The following TFAP2E variants were observed in gnomAD, a reference collection of about 807,000 sequenced individuals.
TFAP2E encodes transcription factor AP-2-epsilon.
TFAP2E carries 30 observed loss-of-function variants against 37.9 expected under a neutral mutation model. The ratio of observed to expected loss-of-function variants is 0.79; its 90% confidence interval spans 0.59 to 1.07. The LOEUF (loss-of-function observed/expected upper bound fraction) is 1.07. Among genes scored for constraint, TFAP2E ranks in the 50% least tolerant of loss-of-function variants. TFAP2E has a pLI of 0.00. For missense variants in TFAP2E, 567 were observed against 637.9 expected (o/e 0.89, Z 1.20); for synonymous variants, 318 against 295.8 (o/e 1.08, Z -0.77).
At position 35,573,709 on chromosome 1, in the gene TFAP2E, G is replaced by T; in HGVS notation, c.27+105G>T. ...CGCGCTAACGAAATCTCGGAGGGAG[G>T]GGGCCGCAGGGACTTCGCCAGCTGA... On this transcript the variant is annotated intron_variant, in intron 1 of 6. Transcript: ENST00000373235. This position sits in a 1 kb window ranked among gnomAD's most constrained non-coding sequence, Gnocchi z 5.9. 2.0e-6 allele frequency: 3 copies of T among 1,480,432 alleles called. No individual in the cohort carries two copies. The highest frequency in any genetic ancestry group is 2.7e-6 in the Non-Finnish European group (3 of 1,108,510). 91.7% of individuals were successfully genotyped at this position (1,480,432 alleles called of 1,614,324 possible).
intron 3 of TFAP2E, among the ~76,000 whole-genome samples, chr1:35,575,358 G>T (rs1266036564): frequency 6.6e-6 from 1 of 152,282 alleles, no homozygotes; most frequent in Non-Finnish European, 1.5e-5. Context: ...TTCCCACGGA[G>T]TTGGGGAAAT....
Position 35,594,825 on chromosome 1 carries a change from G to C in TFAP2E, c.*149G>C. On this transcript the variant is annotated 3_prime_UTR_variant, in exon 7 of 7. Coordinates refer to ENST00000373235, the MANE Select transcript of TFAP2E (RefSeq NM_178548.4). ...CAGAGATCCCAGAGTTGGGGATCTG[G>C]CTTGGAGTAAGGGAGGGTGGCCTCT... The C allele has an allele frequency of 8.0e-7, 1 of 1,249,908 alleles. No individual in the cohort carries two copies. The highest frequency in any genetic ancestry group is 1.1e-6 in the Non-Finnish European group (1 of 912,070). The allele number at this position is 1,249,908 out of a possible 1,614,324, so 77.4% of individuals were successfully genotyped here.
chr1:35,573,802 A>C lies in TFAP2E; in HGVS notation c.28-125A>C. ...CTGCGCCCGCGGGTGGCTCGGAAATAAACCTCGGGCCCCAAGAAACGGGAG... is the reference window on the plus strand; with the variant it reads ...CTGCGCCCGCGGGTGGCTCGGAAATCAACCTCGGGCCCCAAGAAACGGGAG... On this transcript the variant is annotated intron_variant, in intron 1 of 6. Transcript: ENST00000373235. This position sits in a 1 kb window ranked among gnomAD's most constrained non-coding sequence, Gnocchi z 5.9. 1 of 1,375,840 alleles carries C rather than the reference A, an allele frequency of 7.3e-7. No homozygotes were observed. Among genetic ancestry groups the C allele is most frequent in the South Asian group, 1.6e-5 (1 of 62,822 alleles). The allele number at this position is 1,375,840 out of a possible 1,614,324, so 85.2% of individuals were successfully genotyped here.
chr1:35,593,939 G>C (rs1346173864), intron 6 of TFAP2E, among the ~76,000 whole-genome samples: 2 of 152,240 alleles, frequency 1.3e-5, no homozygotes, highest in Non-Finnish European at 2.9e-5. Context: ...AGATGATGCA[G>C]ACAGTGTGGT....
rs1649079708 is a variant in TFAP2E at position 35,573,745 on chromosome 1, C to T, written c.27+141C>T. 7.2e-7 allele frequency: 1 copy of T among 1,396,630 alleles called. No homozygotes were observed. The highest frequency in any genetic ancestry group is 9.4e-7 in the Non-Finnish European group (1 of 1,059,508). 86.5% of individuals were successfully genotyped at this position (1,396,630 alleles called of 1,614,324 possible). A position where few individuals can be genotyped will look rare whatever the true frequency, so the allele number is the denominator to read the frequency against. On this transcript the variant is annotated intron_variant, in intron 1 of 6. Transcript: ENST00000373235. The surrounding 1 kb of genome is among the most constrained non-coding windows in gnomAD (Gnocchi z 5.9). ...GACTTCGCCAGCTGAGAACGCGATG[C>T]GCAAGTGACCGCTGTCCCCAGCCTG...
At chr1:35,582,401 C>A (rs752592728) in intron 3 of TFAP2E, among the ~76,000 whole-genome samples, 36 of 151,716 alleles carry the variant, frequency 2.4e-4, no homozygotes, top group East Asian at 5.8e-4. Flanking sequence ...TGAATACAGT[C>A]CTTTATCAGA....
chr1:35,589,348 A>T (rs1199287276), intron 4 of TFAP2E, among the ~76,000 whole-genome samples: 1 of 151,412 alleles, frequency 6.6e-6, no homozygotes, highest in African/African-American at 2.4e-5. Context: ...AGCGTCTTGG[A>T]GGATCTCTGT....
chr1:35,589,956 G>T lies in TFAP2E; in HGVS notation c.812G>T (p.Cys271Phe). Residue 271 changes from cysteine (C) to phenylalanine (F), a missense_variant, in exon 5 of 7, where the codon TGT becomes TTT. Transcript: ENST00000373235. ...GCCAAGTCCAAAAATGGGGGCCGGT[G>T]TTTGCGGGAACGGTTAGAGAAGATT... is the stretch of plus-strand genomic sequence containing the variant. ...RRAKSKNGGR[C>F]LRERLEKIGL... The T allele has an allele frequency of 6.2e-7, 1 of 1,614,088 alleles. No homozygotes were observed. The highest frequency in any genetic ancestry group is 8.5e-7 in the Non-Finnish European group (1 of 1,179,962).
chr1:35,590,750 C>A lies in TFAP2E; in HGVS notation c.1021C>A (p.Arg341Ser). The change falls in exon 6 of 7, where the codon CGC becomes AGC. Residue 341 changes from arginine (R) to serine (S), a missense_variant. Arg to Ser is a moderately radical substitution (Grantham distance 110). Transcript: ENST00000373235. The surrounding 1 kb of genome is among the most constrained non-coding windows in gnomAD (Gnocchi z 6.2). ...CGCTGACCCGGGGGAGCTGCACAGC[C>A]GCAAGAGCATGCTGCTGGCTGCCAA... ...QHADPGELHS[R>S]KSMLLAAKQI... 2.7e-6 allele frequency: 4 copies of A among 1,486,024 alleles called. No homozygotes were observed. Among genetic ancestry groups the A allele is most frequent in the Non-Finnish European group, 2.7e-6 (3 of 1,104,568 alleles). The allele number at this position is 1,486,024 out of a possible 1,614,324, so 92.1% of individuals were successfully genotyped here. A position where few individuals can be genotyped will look rare whatever the true frequency, so the allele number is the denominator to read the frequency against.
chr1:35,579,346 A>T (rs1348602912), intron 3 of TFAP2E, among the ~76,000 whole-genome samples: 1 of 151,770 alleles, frequency 6.6e-6, no homozygotes, highest in African/African-American at 2.4e-5. Flanking sequence ...CAGTGAACCA[A>T]GATCACACCA....
chr1:35,590,630 C>T lies in TFAP2E; in HGVS notation c.905-4C>T, dbSNP rs534968792. ...TGCAGTAGTGACAGCTCCCCTCCCC[C>T]CAGGAGAGGCCGTGCACCTGGCCCG... On this transcript the variant is annotated splice_polypyrimidine_tract_variant and splice_region_variant and intron_variant, in intron 5 of 6. Coordinates refer to ENST00000373235, the MANE Select transcript of TFAP2E (RefSeq NM_178548.4). This position sits in a 1 kb window ranked among gnomAD's most constrained non-coding sequence, Gnocchi z 6.2. 6.7e-6 allele frequency: 10 copies of T among 1,484,480 alleles called. No homozygotes were observed. Among genetic ancestry groups the T allele is most frequent in the South Asian group, 1.4e-5 (1 of 71,528 alleles). 92.0% of individuals were successfully genotyped at this position (1,484,480 alleles called of 1,614,324 possible).
chr1:35,585,295 A>C (rs952998288), intron 3 of TFAP2E, among the ~76,000 whole-genome samples: 1 of 152,224 alleles, frequency 6.6e-6, no homozygotes, highest in African/African-American at 2.4e-5. Context: ...TTTCACAGAA[A>C]AATCCAGAAT....
In TFAP2E at chr1:35,573,546, C is replaced by A. The variant is rs1023031949; in HGVS notation, c.-32C>A. 1.3e-5 allele frequency: 19 copies of A among 1,513,526 alleles called. No individual in the cohort carries two copies. Among genetic ancestry groups the A allele is most frequent in the Non-Finnish European group, 1.6e-5 (18 of 1,132,060 alleles). The allele number at this position is 1,513,526 out of a possible 1,614,324, so 93.8% of individuals were successfully genotyped here. A position where few individuals can be genotyped will look rare whatever the true frequency, so the allele number is the denominator to read the frequency against. On this transcript the variant is annotated 5_prime_UTR_variant, in exon 1 of 7. Coordinates refer to ENST00000373235, the MANE Select transcript of TFAP2E (RefSeq NM_178548.4). This position sits in a 1 kb window ranked among gnomAD's most constrained non-coding sequence, Gnocchi z 5.9. ...CGCCGTCGGGCTAGGGCTCCGCCGCCGCCACGCCTCGCGCCCGGCACTCAC... is the reference window on the plus strand; with the variant it reads ...CGCCGTCGGGCTAGGGCTCCGCCGCAGCCACGCCTCGCGCCCGGCACTCAC...
intron 3 of TFAP2E, among the ~76,000 whole-genome samples, chr1:35,578,664 C>T (rs1649253897): frequency 6.6e-6 from 1 of 152,066 alleles, no homozygotes; most frequent in Non-Finnish European, 1.5e-5. Flanking sequence ...CTGTCTTTGG[C>T]CCTGGAGAAG....
At chr1:35,575,851 C>T (rs1649153542) in intron 3 of TFAP2E, among the ~76,000 whole-genome samples, 1 of 152,206 alleles carries the variant, frequency 6.6e-6, no homozygotes, top group African/African-American at 2.4e-5. Flanking sequence ...TATGTGACTC[C>T]TGGCATTAGT....
intron 3 of TFAP2E, among the ~76,000 whole-genome samples, chr1:35,581,116 A>C (rs932972029): frequency 6.6e-6 from 1 of 152,248 alleles, no homozygotes; most frequent in Non-Finnish European, 1.5e-5. Flanking sequence ...GAATATATAA[A>C]TATGCAGACT....
At chr1:35,574,538 C>T in intron 2 of TFAP2E, 129 bp downstream of exon 2, 1 of 1,340,294 alleles carries the variant, frequency 7.5e-7, no homozygotes, top group Non-Finnish European at 9.7e-7. Flanking sequence ...CTGGTGACTC[C>T]GAGGATGTGT....
At chr1:35,591,853 A>C (rs1309180418) in intron 6 of TFAP2E, among the ~76,000 whole-genome samples, 1 of 152,074 alleles carries the variant, frequency 6.6e-6, no homozygotes, top group Non-Finnish European at 1.5e-5. Flanking sequence ...GGCCCAGCTA[A>C]TTTTTGGTAT....
At chr1:35,575,119 A>G in intron 3 of TFAP2E, 119 bp downstream of exon 3, 3 of 1,311,090 alleles carry the variant, frequency 2.3e-6, no homozygotes, top group Non-Finnish European at 3.3e-6. Flanking sequence ...TCCACCAGGC[A>G]CTCTTCCTGG....
Sources: gnomAD v4.1 joint callset for allele counts (sites outside exome capture counted in the v4.1 genomes callset) on GRCh38, gnomAD v4.1.1 for gene constraint, Gnocchi (gnomAD v3.1) non-coding constraint, MANE v1.5 for transcripts, NCBI Gene and HGNC (gene_info 2026-07-23, HGNC 2026-07-21) for gene names.